The following LRRC4C variants were observed in gnomAD, a reference collection of about 807,000 sequenced individuals.
The protein encoded by LRRC4C is leucine rich repeat containing 4C, also known as leucine-rich repeat-containing protein 4C.
Under a neutral mutation model 33.6 loss-of-function variants are expected in LRRC4C, and 5 were observed. The ratio of observed to expected loss-of-function variants is 0.15; its 90% CI spans 0.08 to 0.31. The LOEUF (loss-of-function observed/expected upper bound fraction) is 0.31. LRRC4C is among the 10% of genes least tolerant of loss of function. LRRC4C has a pLI of 1.00. For missense variants in LRRC4C, 560 were observed against 796.7 expected, an observed-to-expected ratio of 0.70 and a Z score of 3.58; for synonymous variants, 329 against 302.0, an observed-to-expected ratio of 1.09 and a Z score of -0.93.
At chr11:41,171,108 G>T (rs910362791) in intron 1 of LRRC4C, among the ~76,000 whole-genome samples, 2 of 151,898 alleles carry the variant, frequency 1.3e-5, no homozygotes, top group African/African-American at 4.8e-5. Context: ...GAAACAACAG[G>T]TGCTGGAGAG....
At chr11:40,426,798 A>G (rs2137804128) in intron 3 of LRRC4C, among the ~76,000 whole-genome samples, 1 of 152,326 alleles carries the variant, frequency 6.6e-6, no homozygotes, top group Non-Finnish European at 1.5e-5. Flanking sequence ...AACAAGACAC[A>G]TATAAGGAAT....
At chr11:40,315,165 T>C (rs1252525294) in intron 4 of LRRC4C, among the ~76,000 whole-genome samples, 1 of 151,986 alleles carries the variant, frequency 6.6e-6, no homozygotes, top group African/African-American at 2.4e-5. Context: ...GTACAATTAT[T>C]ATGTCAGTTA....
At chr11:41,009,816 A>G (rs1855040613) in intron 1 of LRRC4C, among the ~76,000 whole-genome samples, 1 of 152,140 alleles carries the variant, frequency 6.6e-6, no homozygotes, top group African/African-American at 2.4e-5. Context: ...TGTTCCCCCA[A>G]AAAAGATATG....
intron 5 of LRRC4C, among the ~76,000 whole-genome samples, chr11:40,219,241 AC>A (rs1161865612): frequency 6.6e-6 from 1 of 152,210 alleles, no homozygotes; most frequent in Non-Finnish European, 1.5e-5. Context: ...TTCAATGGTC[AC>A]CTGTAGCCAG....
chr11:40,527,813 A>G (rs962782727), intron 3 of LRRC4C, among the ~76,000 whole-genome samples: 1 of 152,056 alleles, frequency 6.6e-6, no homozygotes, highest in South Asian at 2.1e-4. Flanking sequence ...CAATGGCACG[A>G]TCTCGGCTCA....
chr11:40,132,403 T>G (rs1856706751), intron 6 of LRRC4C, among the ~76,000 whole-genome samples: 1 of 152,166 alleles, frequency 6.6e-6, no homozygotes, highest in Non-Finnish European at 1.5e-5. Context: ...TGGTGACATT[T>G]TGTCACTCCA....
At position 41,014,950 on chromosome 11, in the gene LRRC4C, T is replaced by C. The variant is rs192708094; in HGVS notation, c.-495-81227A>G. ...TCAATTACCATTTCAATTTTCTGAC[T>C]CAAAGTCCAGTGCACAACCCACCAA... On this transcript the variant is annotated intron_variant, in intron 1 of 6. Transcript: ENST00000528697. Among the ~76,000 whole-genome samples the C allele has an allele frequency of 6.8e-3, 1,033 of 152,298 alleles. 1 individual carries two copies. The highest frequency in any genetic ancestry group is 0.037 in the Middle Eastern group (11 of 294).
At position 40,374,129 on chromosome 11, in the gene LRRC4C, A is replaced by C. The variant is rs193256162; in HGVS notation, c.-269-54408T>G. Among the ~76,000 whole-genome samples, 13 of 152,312 alleles carry C rather than the reference A, an allele frequency of 8.5e-5. No individual in the cohort carries two copies. In the East Asian group the frequency reaches 2.5e-3, roughly 29 times the overall value. Reference sequence around the variant, plus strand: ...GGGAGGAACAAGGATCATTCTCATTAATTACTGGGGGAAACGAAAATCATA... The same window carrying C: ...GGGAGGAACAAGGATCATTCTCATTCATTACTGGGGGAAACGAAAATCATA... On this transcript the variant is annotated intron_variant, in intron 3 of 6. Coordinates refer to ENST00000528697, the MANE Select transcript of LRRC4C (RefSeq NM_001258419.2).
chr11:40,470,527 A>G (rs947048683), intron 3 of LRRC4C, among the ~76,000 whole-genome samples: 5 of 152,226 alleles, frequency 3.3e-5, no homozygotes, highest in African/African-American at 1.2e-4. Context: ...AACTGGACGG[A>G]GAATGAGATT....
chr11:40,265,111 A>T (rs896641432), intron 4 of LRRC4C, among the ~76,000 whole-genome samples: 1 of 152,160 alleles, frequency 6.6e-6, no homozygotes, highest in African/African-American at 2.4e-5. Flanking sequence ...TTTTAGCCAA[A>T]TTAATTTTCC....
At chr11:40,303,206 CA>C (rs1193041325) in intron 4 of LRRC4C, among the ~76,000 whole-genome samples, 3 of 152,016 alleles carry the variant, frequency 2.0e-5, no homozygotes, top group African/African-American at 7.3e-5. Context: ...AGGATCTAAA[CA>C]AAGGCAGAAG....
At chr11:40,427,841 A>G (rs1054679237) in intron 3 of LRRC4C, among the ~76,000 whole-genome samples, 2 of 151,944 alleles carry the variant, frequency 1.3e-5, no homozygotes, top group Non-Finnish European at 2.9e-5. Context: ...AAAACAAAAG[A>G]CCAAACCCAA....
intron 1 of LRRC4C, among the ~76,000 whole-genome samples, chr11:41,372,719 G>C (rs893351872): frequency 3.1e-4 from 47 of 151,236 alleles, no homozygotes; most frequent in African/African-American, 1.1e-3. Flanking sequence ...GTTGGGTTTG[G>C]GGCTAGGAGA....
rs150088683 is a variant in LRRC4C at position 40,659,886 on chromosome 11, A to G, written c.-406-11608T>C. 9.8e-5 allele frequency among the ~76,000 whole-genome samples: 15 copies of G among 152,340 alleles called. No individual in the cohort carries two copies. In the East Asian group the frequency reaches 2.9e-3, roughly 29 times the overall value. ...GTACCTCATTCTTTATGGATGTGGG[A>G]CAAGTACTCAGGATGTACCAAATGG... is the stretch of plus-strand genomic sequence containing the variant. On this transcript the variant is annotated intron_variant, in intron 2 of 6. Coordinates refer to ENST00000528697, the MANE Select transcript of LRRC4C (RefSeq NM_001258419.2).
At chr11:40,774,782 T>C (rs1210576182) in intron 2 of LRRC4C, among the ~76,000 whole-genome samples, 2 of 152,114 alleles carry the variant, frequency 1.3e-5, no homozygotes. Flanking sequence ...AAAGTGATAA[T>C]GGGAATGTAA....
chr11:40,491,221 G>T (rs537982819), intron 3 of LRRC4C, among the ~76,000 whole-genome samples: 1 of 152,228 alleles, frequency 6.6e-6, no homozygotes, highest in South Asian at 2.1e-4. Context: ...GGAGGCAAAG[G>T]TTGCAGTGAG....
chr11:41,223,136 A>C (rs1179160221), intron 1 of LRRC4C: 1 of 152,156 alleles, frequency 6.6e-6, no homozygotes, highest in African/African-American at 2.4e-5. Context: ...CAATACATAT[A>C]GGGGATTTTA....
At chr11:41,311,908 T>C (rs1482917882) in intron 1 of LRRC4C, among the ~76,000 whole-genome samples, 1 of 152,180 alleles carries the variant, frequency 6.6e-6, no homozygotes, top group Non-Finnish European at 1.5e-5. Context: ...CTCTGTCTTA[T>C]TTACAGCATA....
intron 1 of LRRC4C, among the ~76,000 whole-genome samples, chr11:41,032,256 G>A (rs1856770783): frequency 1.3e-5 from 2 of 152,036 alleles, no homozygotes; most frequent in East Asian, 3.9e-4. Flanking sequence ...TGAGTCAAGA[G>A]TATTTGGAGC....
Sources: allele counts gnomAD v4.1 joint callset (sites outside exome capture counted in the v4.1 genomes callset), GRCh38; gene constraint gnomAD v4.1.1; transcripts MANE v1.5; gene names NCBI Gene and HGNC (gene_info 2026-07-23, HGNC 2026-07-21).